Variants in SIK2 observed in about 807,000 individuals in gnomAD.
SIK2 encodes salt inducible kinase 2.
A neutral mutation model predicts 103.2 loss-of-function variants in SIK2; 29 were observed. The ratio of observed to expected loss-of-function variants is 0.28; its 90% CI spans 0.21 to 0.38. The LOEUF (loss-of-function observed/expected upper bound fraction) is 0.38. Ranked by LOEUF, SIK2 falls within the 10% of genes least tolerant of loss-of-function variation. The pLI is 1.00. For missense variants in SIK2, 879 were observed against 1,171.0 expected (o/e 0.75, Z 3.64); for synonymous variants, 412 against 446.1 (o/e 0.92, Z 0.96).
chr11:111,696,420 C>G (rs1227839471), intron 4 of SIK2, among the ~76,000 whole-genome samples: 4 of 152,096 alleles, frequency 2.6e-5, no homozygotes, highest in Non-Finnish European at 5.9e-5. Flanking sequence ...ACTGTTGCAA[C>G]TCTTCTATAA....
chr11:111,637,580 C>T (rs1942126828), intron 3 of SIK2, among the ~76,000 whole-genome samples: 1 of 151,808 alleles, frequency 6.6e-6, no homozygotes, highest in East Asian at 1.9e-4. Flanking sequence ...CTGCCTCAGC[C>T]TCCCCAGTAG....
chr11:111,609,333 T>G (rs545854488), intron 1 of SIK2, among the ~76,000 whole-genome samples: 188 of 150,694 alleles, frequency 1.2e-3, no homozygotes, highest in African/African-American at 3.7e-3. Context: ...ATTTTTTTTT[T>G]GGGGGGGGGA....
intron 4 of SIK2, among the ~76,000 whole-genome samples, chr11:111,694,803 T>C (rs1398184125): frequency 6.6e-6 from 1 of 152,076 alleles, no homozygotes; most frequent in Non-Finnish European, 1.5e-5. Context: ...TTGATTTGAT[T>C]TTTTTTTCCC....
Position 111,602,560 on chromosome 11 carries a change from C to G in SIK2, c.-4C>G. 2.0e-6 allele frequency: 3 copies of G among 1,515,424 alleles called. No individual in the cohort carries two copies. The highest frequency in any genetic ancestry group is 2.6e-6 in the Non-Finnish European group (3 of 1,132,190). 93.9% of individuals were successfully genotyped at this position (1,515,424 alleles called of 1,614,324 possible). A position where few individuals can be genotyped will look rare whatever the true frequency, so the allele number is the denominator to read the frequency against. On this transcript the variant is annotated 5_prime_UTR_variant, in exon 1 of 15. Coordinates refer to ENST00000304987, the MANE Select transcript of SIK2 (RefSeq NM_015191.3). This position sits in a 1 kb window ranked among gnomAD's most constrained non-coding sequence, Gnocchi z 4.5. ...GTCCGCCGTGTCTAGCAGCGGGGCC[C>G]AGCATGGTCATGGCGGATGGCCCGA...
Position 111,725,824 on chromosome 11 carries a change from T to A in SIK2, c.*1695T>A, listed in dbSNP as rs1274459008. 1 of 152,600 alleles carries A rather than the reference T, an allele frequency of 6.6e-6. No homozygotes were observed. The highest frequency in any genetic ancestry group is 6.5e-5 in the Admixed American group (1 of 15,292). 9.5% of individuals were successfully genotyped at this position (152,600 alleles called of 1,614,324 possible). On this transcript the variant is annotated 3_prime_UTR_variant, in exon 15 of 15. Transcript: ENST00000304987. ...TCCCTGTTGCTGGCCAGAGACTGCC[T>A]GGTCGCCAGCGCTCACCATGGGTGC... is the stretch of plus-strand genomic sequence containing the variant.
At chr11:111,695,388 T>TTTC (rs1216193413) in intron 4 of SIK2, among the ~76,000 whole-genome samples, 2 of 152,190 alleles carry the variant, frequency 1.3e-5, no homozygotes, top group African/African-American at 4.8e-5. Context: ...GAAGATTGGT[T>TTTC]TTCAATGTTT....
Position 111,710,604 on chromosome 11 carries a change from T to C in SIK2, c.1102-1607T>C, listed in dbSNP as rs45464700. Among the ~76,000 whole-genome samples the C allele has an allele frequency of 6.2e-3, 950 of 152,344 alleles. 7 individuals carry two copies. Among genetic ancestry groups the C allele is most frequent in the Middle Eastern group, 0.014 (4 of 294 alleles). On this transcript the variant is annotated intron_variant, in intron 8 of 14. Transcript: ENST00000304987. Reference sequence around the variant, plus strand: ...ATTTTGCAAACTAATTCTTACATTCTTGTGATCATTTGAAGGCTTTAGGAA... The same window carrying C: ...ATTTTGCAAACTAATTCTTACATTCCTGTGATCATTTGAAGGCTTTAGGAA...
intron 2 of SIK2, among the ~76,000 whole-genome samples, chr11:111,619,516 G>T (rs1941853868): frequency 6.6e-6 from 1 of 152,048 alleles, no homozygotes; most frequent in South Asian, 2.1e-4. Context: ...GCTAATTTTT[G>T]TATTTTTTGG....
At position 111,611,269 on chromosome 11, in the gene SIK2, A is replaced by G. The variant is rs568417323; in HGVS notation, c.136-4974A>G. Among the ~76,000 whole-genome samples the G allele has an allele frequency of 4.6e-5, 7 of 151,940 alleles. No homozygotes were observed. In the East Asian group the frequency reaches 1.2e-3, roughly 25 times the overall value. On this transcript the variant is annotated intron_variant, in intron 1 of 14. Coordinates refer to ENST00000304987, the MANE Select transcript of SIK2 (RefSeq NM_015191.3). ...GTCTCAAAAAAAAAAAAAACTACAC[A>G]TAAATCTTTGTCCTCATTTCAGATT...
At chr11:111,614,413 A>G (rs1302844555) in intron 1 of SIK2, among the ~76,000 whole-genome samples, 2 of 152,166 alleles carry the variant, frequency 1.3e-5, no homozygotes, top group African/African-American at 2.4e-5. Context: ...CTAATAGCCT[A>G]CTGTTCACTG....
intron 3 of SIK2, among the ~76,000 whole-genome samples, chr11:111,621,077 CA>C (rs1941876921): frequency 1.3e-5 from 2 of 152,142 alleles, no homozygotes; most frequent in Admixed American, 1.3e-4. Flanking sequence ...GTTTTTTAAG[CA>C]GCTTTATTGA....
chr11:111,698,459 A>G (rs536355898), intron 4 of SIK2, among the ~76,000 whole-genome samples: 35 of 152,216 alleles, frequency 2.3e-4, no homozygotes, highest in Admixed American at 9.2e-4. Context: ...AAACTTACCA[A>G]TGGGCCAGGT....
At chr11:111,631,424 A>G (rs2135849007) in intron 3 of SIK2, among the ~76,000 whole-genome samples, 1 of 152,286 alleles carries the variant, frequency 6.6e-6, no homozygotes, top group East Asian at 1.9e-4. Flanking sequence ...GAAAAAGTAG[A>G]CAATATGAAT....
intron 3 of SIK2, among the ~76,000 whole-genome samples, chr11:111,634,485 CCAGGT>C (rs1214821940): frequency 6.6e-6 from 1 of 152,016 alleles, no homozygotes; most frequent in Non-Finnish European, 1.5e-5. Flanking sequence ...AACCAGCGTC[CCAGGT>C]CAGTATTGCT....
intron 3 of SIK2, among the ~76,000 whole-genome samples, chr11:111,641,080 C>T (rs1278464763): frequency 6.6e-6 from 1 of 152,164 alleles, no homozygotes; most frequent in Non-Finnish European, 1.5e-5. Context: ...AACTTCACTG[C>T]AGCAACTTGA....
At position 111,667,330 on chromosome 11, in the gene SIK2, G is replaced by A. The variant is rs184369479; in HGVS notation, c.317-20671G>A. Among the ~76,000 whole-genome samples the A allele has an allele frequency of 4.9e-4, 74 of 152,130 alleles. 1 individual carries two copies. The highest frequency in any genetic ancestry group is 9.4e-4 in the African/African-American group (39 of 41,472). ...ATTTGCAGTGCCAGAAATGAATACCGATCCTAAAAGGTGTGTGATGAAAAG... is the reference window on the plus strand; with the variant it reads ...ATTTGCAGTGCCAGAAATGAATACCAATCCTAAAAGGTGTGTGATGAAAAG... On this transcript the variant is annotated intron_variant, in intron 3 of 14. Transcript: ENST00000304987.
intron 6 of SIK2, among the ~76,000 whole-genome samples, chr11:111,702,474 A>G (rs1209493299): frequency 1.3e-5 from 2 of 152,132 alleles, no homozygotes; most frequent in East Asian, 1.9e-4. Flanking sequence ...CTGTAGTCCT[A>G]GCTACTCAGG....
chr11:111,608,394 A>G (rs1338168522), intron 1 of SIK2, among the ~76,000 whole-genome samples: 1 of 152,230 alleles, frequency 6.6e-6, no homozygotes, highest in Non-Finnish European at 1.5e-5. Context: ...TCCCCCAGTT[A>G]TAGAAGTCAA....
At chr11:111,665,495 C>T (rs1398539403) in intron 3 of SIK2, among the ~76,000 whole-genome samples, 1 of 151,410 alleles carries the variant, frequency 6.6e-6, no homozygotes, top group Non-Finnish European at 1.5e-5. Context: ...GGTGACAGAG[C>T]AAGACCCTGT....
Sources: allele counts gnomAD v4.1 joint callset (sites outside exome capture counted in the v4.1 genomes callset), GRCh38; gene constraint gnomAD v4.1.1; non-coding constraint Gnocchi (gnomAD v3.1); transcripts MANE v1.5; gene names NCBI Gene and HGNC (gene_info 2026-07-23, HGNC 2026-07-21).